The following CTNNA3 variants were observed in gnomAD, a reference collection of about 807,000 sequenced individuals.
CTNNA3 encodes catenin alpha 3.
In CTNNA3, 76 loss-of-function variants were observed where a neutral mutation model predicts 95.7. The observed-to-expected ratio is 0.79, with a 90% CI of 0.66 to 0.96. The LOEUF (loss-of-function observed/expected upper bound fraction) is 0.96, where lower values mean the gene tolerates loss of function less well. CTNNA3 is among the 40% of genes least tolerant of loss of function. CTNNA3 has a pLI of 0.00. For missense variants in CTNNA3, 1,191 were observed against 1,089.8 expected, an observed-to-expected ratio of 1.09 and a Z score of -1.31; for synonymous variants, 431 against 374.4, an observed-to-expected ratio of 1.15 and a Z score of -1.74.
At chr10:67,379,075 A>G (rs1843812098) in intron 5 of CTNNA3, among the ~76,000 whole-genome samples, 1 of 152,244 alleles carries the variant, frequency 6.6e-6, no homozygotes, top group African/African-American at 2.4e-5. Context: ...ATCTATGTCT[A>G]GGAATTCTAA....
At chr10:66,346,487 CT>C (rs1257496848) in intron 12 of CTNNA3, among the ~76,000 whole-genome samples, 2 of 152,062 alleles carry the variant, frequency 1.3e-5, no homozygotes, top group African/African-American at 4.8e-5. Flanking sequence ...CCATGTTGGC[CT>C]GGATGGTCTT....
At chr10:66,528,118 G>A (rs934968160) in intron 10 of CTNNA3, among the ~76,000 whole-genome samples, 3 of 152,006 alleles carry the variant, frequency 2.0e-5, no homozygotes, top group Non-Finnish European at 1.5e-5. Flanking sequence ...GCTCATAAGG[G>A]CTGTGTTTGA....
chr10:66,806,969 G>A (rs1470656271), intron 7 of CTNNA3, among the ~76,000 whole-genome samples: 2 of 151,886 alleles, frequency 1.3e-5, no homozygotes, highest in East Asian at 1.9e-4. Flanking sequence ...ATGGATGAGA[G>A]GTGACTGCAA....
At chr10:67,555,759 C>T (rs564232914) in intron 3 of CTNNA3, among the ~76,000 whole-genome samples, 1 of 152,268 alleles carries the variant, frequency 6.6e-6, no homozygotes, top group East Asian at 1.9e-4. Flanking sequence ...TTTCTCCTGC[C>T]TGATTGCCCT....
At chr10:67,614,356 T>C (rs1220693023) in intron 2 of CTNNA3, among the ~76,000 whole-genome samples, 3 of 152,216 alleles carry the variant, frequency 2.0e-5, no homozygotes, top group Non-Finnish European at 2.9e-5. Context: ...TACTTTATAT[T>C]ATTATTACAT....
chr10:66,345,220 G>T (rs1259748955), intron 12 of CTNNA3, among the ~76,000 whole-genome samples: 1 of 152,104 alleles, frequency 6.6e-6, no homozygotes, highest in Non-Finnish European at 1.5e-5. Flanking sequence ...CAAGATGCCA[G>T]GAGATACAAT....
At chr10:66,934,320 C>G (rs1847572316) in intron 7 of CTNNA3, among the ~76,000 whole-genome samples, 2 of 151,874 alleles carry the variant, frequency 1.3e-5, no homozygotes, top group South Asian at 4.1e-4. Context: ...CTCATTTATC[C>G]TTTCTCTCAC....
chr10:67,648,701 C>T, intron 1 of CTNNA3: 5 of 1,275,172 alleles, frequency 3.9e-6, no homozygotes, highest in South Asian at 3.7e-5. Context: ...GATACATCAA[C>T]ATATAAAGTC....
chr10:66,898,288 A>G (rs1389900237), intron 7 of CTNNA3, among the ~76,000 whole-genome samples: 1 of 152,192 alleles, frequency 6.6e-6, no homozygotes, highest in East Asian at 1.9e-4. Flanking sequence ...AAATACACAC[A>G]TAATATAGTA....
chr10:66,514,242 A>T, intron 11 of CTNNA3, among the ~76,000 whole-genome samples: 1 of 152,202 alleles, frequency 6.6e-6, no homozygotes, highest in East Asian at 1.9e-4. Flanking sequence ...AAATGGGAAT[A>T]AATACTTTTA....
At chr10:67,449,306 A>T (rs1239626933) in intron 5 of CTNNA3, among the ~76,000 whole-genome samples, 1 of 152,148 alleles carries the variant, frequency 6.6e-6, no homozygotes. Flanking sequence ...TACCAATAAC[A>T]TTCTTTACAG....
chr10:66,901,812 C>G (rs1295941452), intron 7 of CTNNA3, among the ~76,000 whole-genome samples: 1 of 152,194 alleles, frequency 6.6e-6, no homozygotes, highest in Non-Finnish European at 1.5e-5. Context: ...GGGATCAATT[C>G]AACAAGAAGA....
chr10:66,647,788 G>A (rs1845758750), intron 9 of CTNNA3, among the ~76,000 whole-genome samples: 1 of 151,854 alleles, frequency 6.6e-6, no homozygotes, highest in Admixed American at 6.6e-5. Flanking sequence ...CCAAGTACTG[G>A]GATTACAGGC....
intron 3 of CTNNA3, among the ~76,000 whole-genome samples, chr10:67,554,219 T>A (rs1841145506): frequency 6.6e-6 from 1 of 152,222 alleles, no homozygotes; most frequent in African/African-American, 2.4e-5. Context: ...ACAATAAACA[T>A]ACGTGTGCAT....
rs1865326544 is a variant in CTNNA3, at chr10:67,233,698, C to T, written c.580-13828G>A. Reference sequence around the variant, plus strand: ...GAAGGAAATAGACACACAAAAAACCCTTCAAAAAATTAATGAATCCAGGAG... The same window carrying T: ...GAAGGAAATAGACACACAAAAAACCTTTCAAAAAATTAATGAATCCAGGAG... On this transcript the variant is annotated intron_variant, in intron 5 of 17. Transcript: ENST00000433211. Among the ~76,000 whole-genome samples the T allele has an allele frequency of 5.4e-5, 8 of 149,438 alleles. No individual in the cohort carries two copies. The South Asian group carries it at 1.3e-3, about 24-fold the overall frequency.
At chr10:66,336,997 G>C (rs2092404553) in intron 12 of CTNNA3, among the ~76,000 whole-genome samples, 1 of 152,076 alleles carries the variant, frequency 6.6e-6, no homozygotes, top group Non-Finnish European at 1.5e-5. Flanking sequence ...TGCAGAAGCA[G>C]AGAGGAAAAC....
Position 66,855,936 on chromosome 10 carries a change from T to A in CTNNA3, c.1048-80412A>T, listed in dbSNP as rs117161368. On this transcript the variant is annotated intron_variant, in intron 7 of 17. Coordinates refer to ENST00000433211, the MANE Select transcript of CTNNA3 (RefSeq NM_013266.4). Reference sequence around the variant, plus strand: ...GGTCAACCACCTGTTTTCATTTTTTTAACTTTTATTTTGAGTTCAGTGGTA... The same window carrying A: ...GGTCAACCACCTGTTTTCATTTTTTAAACTTTTATTTTGAGTTCAGTGGTA... Among the ~76,000 whole-genome samples the A allele has an allele frequency of 2.2e-3, 339 of 152,136 alleles. 12 individuals carry two copies. The East Asian group carries it at 0.054, about 24-fold the overall frequency.
intron 12 of CTNNA3, among the ~76,000 whole-genome samples, chr10:66,343,558 G>T (rs2092474666): frequency 6.6e-6 from 1 of 151,942 alleles, no homozygotes; most frequent in South Asian, 2.1e-4. Context: ...AAGAACAGAG[G>T]ATACTGGGGC....
intron 3 of CTNNA3, among the ~76,000 whole-genome samples, chr10:67,599,724 A>G: frequency 6.6e-6 from 1 of 152,198 alleles, no homozygotes; most frequent in Non-Finnish European, 1.5e-5. Flanking sequence ...TATGTGCAAG[A>G]TTTGTATCCA....
Sources: allele counts gnomAD v4.1 joint callset (sites outside exome capture counted in the v4.1 genomes callset), GRCh38; gene constraint gnomAD v4.1.1; transcripts MANE v1.5; gene names NCBI Gene and HGNC (gene_info 2026-07-23, HGNC 2026-07-21).